Variants in TMEM117 observed in about 807,000 individuals in gnomAD.
TMEM117 encodes transmembrane protein 117.
Under a neutral mutation model 52.4 loss-of-function variants are expected in TMEM117, and 27 were observed. The ratio of observed to expected loss-of-function variants is 0.51; its 90% CI spans 0.38 to 0.71. The LOEUF is 0.71. TMEM117 is among the 30% of genes least tolerant of loss of function. The probability of loss-of-function intolerance (pLI) is 0.00; values close to 1 mark genes in which losing one functional copy is unlikely to be tolerated. For missense variants in TMEM117, 556 were observed against 630.5 expected, an observed-to-expected ratio of 0.88 and a Z score of 1.26; for synonymous variants, 215 against 206.3, an observed-to-expected ratio of 1.04 and a Z score of -0.36.
intron 4 of TMEM117, among the ~76,000 whole-genome samples, chr12:44,176,901 G>A (rs1477621023): frequency 2.0e-5 from 3 of 152,122 alleles, no homozygotes; most frequent in Non-Finnish European, 2.9e-5. Flanking sequence ...CAAGAAGAGG[G>A]TAACAGTGTT....
At chr12:44,084,335 C>G (rs1430598646) in intron 3 of TMEM117, among the ~76,000 whole-genome samples, 4 of 152,054 alleles carry the variant, frequency 2.6e-5, no homozygotes, top group Non-Finnish European at 5.9e-5. Context: ...TGATAACTAC[C>G]TAAGCCATTA....
At chr12:44,021,868 C>G (rs1316678239) in intron 3 of TMEM117, among the ~76,000 whole-genome samples, 3 of 152,174 alleles carry the variant, frequency 2.0e-5, no homozygotes, top group African/African-American at 7.2e-5. Context: ...AACTTCCTCT[C>G]TCATGCAACC....
At chr12:44,317,376 C>G (rs916204784) in intron 6 of TMEM117, among the ~76,000 whole-genome samples, 5 of 149,180 alleles carry the variant, frequency 3.4e-5, no homozygotes, top group African/African-American at 1.2e-4. Context: ...GGTCTTTTGG[C>G]TTTGCTTCAT....
intron 6 of TMEM117, among the ~76,000 whole-genome samples, chr12:44,322,088 G>T (rs1161486536): frequency 6.6e-6 from 1 of 152,084 alleles, no homozygotes; most frequent in Non-Finnish European, 1.5e-5. Flanking sequence ...GTGTAACAAG[G>T]GCGTAATTTC....
chr12:44,119,784 A>G (rs1254060460), intron 3 of TMEM117, among the ~76,000 whole-genome samples: 2 of 152,184 alleles, frequency 1.3e-5, no homozygotes, highest in Non-Finnish European at 2.9e-5. Context: ...ATTAAGTCAG[A>G]ACCTCTTAGG....
the TMEM117 span, among the ~76,000 whole-genome samples, chr12:43,809,330 C>T: frequency 2.0e-5 from 3 of 152,024 alleles, no homozygotes; most frequent in Admixed American, 6.6e-5. Context: ...GAGAAGAAAC[C>T]CTGCTGTAAA....
At chr12:43,890,644 G>A (rs964810269) in intron 2 of TMEM117, among the ~76,000 whole-genome samples, 2 of 152,006 alleles carry the variant, frequency 1.3e-5, no homozygotes, top group African/African-American at 4.8e-5. Context: ...GGATTCTCCT[G>A]TCTCAGCCTC....
rs367750801 is a variant in TMEM117 at position 43,836,131 on chromosome 12, C to T, written c.-94C>T. 1.7e-3 allele frequency: 264 copies of T among 152,116 alleles called. 4 individuals are homozygous for T. The highest frequency in any genetic ancestry group is 0.011 in the Admixed American group (175 of 15,284). 9.4% of individuals were successfully genotyped at this position (152,116 alleles called of 1,614,324 possible). On this transcript the variant is annotated 5_prime_UTR_variant, in exon 1 of 8. Transcript: ENST00000266534. ...GCGCTTCCCAGCGAGGCCGCCGGCG[C>T]GCCGAGGGCTGTGCTCGACCGCGAA...
intron 2 of TMEM117, among the ~76,000 whole-genome samples, chr12:43,909,563 G>T (rs949299766): frequency 1.3e-5 from 2 of 148,218 alleles, no homozygotes; most frequent in African/African-American, 4.9e-5. Context: ...CCAGGAGCTG[G>T]TTTTTTGAAA....
At chr12:44,025,558 T>C (rs988355693) in intron 3 of TMEM117, among the ~76,000 whole-genome samples, 7 of 152,180 alleles carry the variant, frequency 4.6e-5, no homozygotes, top group Non-Finnish European at 1.0e-4. Context: ...ATTGTATTGA[T>C]TGGTGTTGAA....
intron 4 of TMEM117, among the ~76,000 whole-genome samples, chr12:44,192,952 C>A (rs984757774): frequency 2.0e-4 from 30 of 152,132 alleles, no homozygotes; most frequent in African/African-American, 7.0e-4. Context: ...GTTAGCCTTT[C>A]CCTTCTTCAG....
rs529380380 is a variant in TMEM117 at position 44,262,201 on chromosome 12, C to A, written c.609-37379C>A. Among the ~76,000 whole-genome samples, 8 of 152,156 alleles carry A rather than the reference C, an allele frequency of 5.3e-5. No homozygotes were observed. In the East Asian group the frequency reaches 1.5e-3, roughly 29 times the overall value. On this transcript the variant is annotated intron_variant, in intron 5 of 7. Transcript: ENST00000266534. ...CAATAGGCTAAAATTTTGATAGTAC[C>A]ACAAATTTTTCCATTTGTACACACA... is the stretch of plus-strand genomic sequence containing the variant.
chr12:44,137,564 A>G (rs994551345), intron 3 of TMEM117, among the ~76,000 whole-genome samples: 5 of 152,186 alleles, frequency 3.3e-5, no homozygotes, highest in African/African-American at 1.2e-4. Flanking sequence ...GGGAAGAAAC[A>G]GAGGTTTAAT....
intron 5 of TMEM117, among the ~76,000 whole-genome samples, chr12:44,262,978 T>G (rs1383035356): frequency 1.3e-5 from 2 of 152,250 alleles, no homozygotes; most frequent in Non-Finnish European, 2.9e-5. Flanking sequence ...AACCAGACTT[T>G]GTTTTAATCT....
At chr12:43,953,801 A>T (rs554139466) in intron 3 of TMEM117, among the ~76,000 whole-genome samples, 3 of 152,330 alleles carry the variant, frequency 2.0e-5, no homozygotes, top group African/African-American at 7.2e-5. Flanking sequence ...GACCAGGTGG[A>T]CCTGATAGAT....
intron 2 of TMEM117, among the ~76,000 whole-genome samples, chr12:43,846,974 A>G (rs1943220846): frequency 1.3e-5 from 2 of 152,206 alleles, no homozygotes. Flanking sequence ...GCCTATATGT[A>G]TACAATGCAC....
chr12:43,822,479 CTTT>C, the TMEM117 span, among the ~76,000 whole-genome samples: 14 of 134,756 alleles, frequency 1.0e-4, no homozygotes, highest in East Asian at 1.3e-3. Context: ...CTTTAAATAT[CTTT>C]TTTTTTTTTT....
chr12:43,848,618 G>C (rs1943252729), intron 2 of TMEM117, among the ~76,000 whole-genome samples: 1 of 151,726 alleles, frequency 6.6e-6, no homozygotes, highest in Admixed American at 6.6e-5. Flanking sequence ...TCTTTTTCAA[G>C]GTGCACTAAT....
At chr12:43,915,490 A>C (rs1944585995) in intron 2 of TMEM117, among the ~76,000 whole-genome samples, 1 of 152,092 alleles carries the variant, frequency 6.6e-6, no homozygotes, top group Non-Finnish European at 1.5e-5. Flanking sequence ...CTTAATTTCA[A>C]ATATCAGTGC....
Sources: allele counts gnomAD v4.1 joint callset (sites outside exome capture counted in the v4.1 genomes callset), GRCh38; gene constraint gnomAD v4.1.1; transcripts MANE v1.5; gene names NCBI Gene and HGNC (gene_info 2026-07-23, HGNC 2026-07-21).